Variants in POLL observed in about 807,000 individuals in gnomAD.
POLL encodes DNA polymerase lambda, also known as DNA polymerase beta-2.
In POLL, 44 loss-of-function variants were observed where a neutral mutation model predicts 58.1. The observed-to-expected ratio is 0.76, with a 90% CI of 0.60 to 0.97. POLL has a LOEUF of 0.97. POLL is among the 50% of genes least tolerant of loss of function. The probability of loss-of-function intolerance (pLI) is 0.00; values close to 1 mark genes in which losing one functional copy is unlikely to be tolerated. For synonymous variants in POLL, 290 were observed against 283.2 expected (o/e 1.02, Z -0.24); for missense variants, 632 against 736.8 (o/e 0.86, Z 1.65).
intron 7 of POLL, chr10:101,581,619 T>TG (rs2062992338): frequency 6.6e-6 from 1 of 152,208 alleles, no homozygotes; most frequent in African/African-American, 2.4e-5. Context: ...TAATGCCCAT[T>TG]GAACAAATGA....
At chr10:101,582,701 CTT>C in intron 7 of POLL, 60 bp downstream of exon 7, 1 of 1,572,664 alleles carries the variant, frequency 6.4e-7, no homozygotes, top group Non-Finnish European at 8.7e-7. Flanking sequence ...GGGTTCTTGG[CTT>C]TGACCCAAGA....
At chr10:101,587,572 C>A in intron 1 of POLL, 166 bp from the exon 2 acceptor site, 1 of 1,304,072 alleles carries the variant, frequency 7.7e-7, no homozygotes, top group Non-Finnish European at 1.0e-6. Flanking sequence ...TAGCTTCACA[C>A]TCCCCAGCCT....
Position 101,588,211 on chromosome 10 carries a change from G to A in POLL, c.-436C>T, listed in dbSNP as rs1455490306. 9.7e-6 allele frequency: 15 copies of A among 1,543,168 alleles called. No homozygotes were observed. The highest frequency in any genetic ancestry group is 2.4e-5 in the South Asian group (2 of 83,354). ...CAGGAATAGACCACTTACCAGCAGA[G>A]CCAATGAGAGCGGACGAAGGGGGGA... is the stretch of plus-strand genomic sequence containing the variant. On this transcript the variant is annotated 5_prime_UTR_variant, in exon 1 of 9. Transcript: ENST00000370162.
At position 101,584,605 on chromosome 10, in the gene POLL, G is replaced by A; in HGVS notation, c.888C>T (p.Tyr296=). ...LKSFHKPVTS[Y]QEACSIPGIG... is the part of the protein sequence containing the mutation. ...TCCCACTCTAGCCCCTGGGTACCTG[G>A]TACGAGGTGACAGGCTTATGGAAGC... Residue 296 remains tyrosine (Y), a synonymous_variant, in exon 5 of 9, where the codon TAC becomes TAT. Transcript: ENST00000370162. The A allele has an allele frequency of 6.4e-7, 1 of 1,554,986 alleles. No individual in the cohort carries two copies. The highest frequency in any genetic ancestry group is 2.3e-5 in the East Asian group (1 of 43,838).
intron 4 of POLL, 80 bp from the exon 5 acceptor site, chr10:101,584,999 T>G: frequency 2.6e-6 from 2 of 779,742 alleles, no homozygotes; most frequent in Non-Finnish European, 3.6e-6. Flanking sequence ...GTCATCTTCT[T>G]TGTGCGGGGG....
intron 7 of POLL, chr10:101,581,429 G>T (rs1259014812): frequency 6.6e-6 from 1 of 152,230 alleles, no homozygotes; most frequent in East Asian, 1.9e-4. Flanking sequence ...ACCAAGGCCT[G>T]GTGATGGGCA....
intron 6 of POLL, 36 bp downstream of exon 6, chr10:101,583,472 A>G (rs2063117288): frequency 1.9e-6 from 3 of 1,609,624 alleles, no homozygotes; most frequent in Non-Finnish European, 1.7e-6. Flanking sequence ...TCTGAGACAC[A>G]GCAAAACTGA....
In POLL at chr10:101,580,188, G is replaced by C; in HGVS notation, c.1363+60C>G. 1 of 1,485,362 alleles carries C rather than the reference G, an allele frequency of 6.7e-7. No homozygotes were observed. The allele number at this position is 1,485,362 out of a possible 1,614,324, so 92.0% of individuals were successfully genotyped here. On this transcript the variant is annotated intron_variant, in intron 8 of 8. Coordinates refer to ENST00000370162, the MANE Select transcript of POLL (RefSeq NM_001174084.2). This position sits in a 1 kb window ranked among gnomAD's most constrained non-coding sequence, Gnocchi z 4.1. The stretch of plus-strand genomic sequence containing the variant: ...GAACTTCTGAGGTTCTCCCTCTGAG[G>C]GGGCCCCCAGACCTGTGCTGCCCTC...
In POLL at chr10:101,587,347, C is replaced by A; in HGVS notation, c.14G>T (p.Gly5Val). 1 of 1,614,026 alleles carries A rather than the reference C, an allele frequency of 6.2e-7. No homozygotes were observed. Among genetic ancestry groups the A allele is most frequent in the Non-Finnish European group, 8.5e-7 (1 of 1,179,940 alleles). Residue 5 changes from glycine (G) to valine (V), a missense_variant, in exon 2 of 9, where the codon GGT becomes GTT. Physicochemically the swap from Gly to Val is moderately radical, Grantham distance 109. Transcript: ENST00000370162. ...CCGCTTGGGAAATGCCTTCAAGATACCCCTGGGATCCATTGAAGTATGGCT... is the reference window on the plus strand; with the variant it reads ...CCGCTTGGGAAATGCCTTCAAGATAACCCTGGGATCCATTGAAGTATGGCT... MDPR[G>V]ILKAFPKRQK...
At position 101,579,562 on chromosome 10, in the gene POLL, G is replaced by C. The variant is rs755196340; in HGVS notation, c.1619C>G (p.Thr540Ser). 2 of 1,614,010 alleles carry C rather than the reference G, an allele frequency of 1.2e-6. No individual in the cohort carries two copies. Among genetic ancestry groups the C allele is most frequent in the Non-Finnish European group, 8.5e-7 (1 of 1,180,040 alleles). Residue 540 changes from threonine (T) to serine (S), a missense_variant, in exon 9 of 9, where the codon ACC becomes AGC. Transcript: ENST00000370162. The surrounding 1 kb of genome is among the most constrained non-coding windows in gnomAD (Gnocchi z 4.4). ...HALSTAVVRN[T>S]HGCKVGPGRV... ...GCCAGGCCCCACCTTGCAGCCATGG[G>C]TGTTCCGGACCACAGCAGTGCTGAG...
Position 101,587,867 on chromosome 10 carries a change from A to C in POLL, c.-92T>G. ...GGAAGGAGGAGGACTTTCGGGGGTG[A>C]GTGGGAACGCCCTGCACCTGTCCTG... On this transcript the variant is annotated 5_prime_UTR_variant, in exon 1 of 9. Coordinates refer to ENST00000370162, the MANE Select transcript of POLL (RefSeq NM_001174084.2). 8.4e-7 allele frequency: 1 copy of C among 1,190,590 alleles called. No homozygotes were observed. Among genetic ancestry groups the C allele is most frequent in the Non-Finnish European group, 1.1e-6 (1 of 942,378 alleles). The allele number at this position is 1,190,590 out of a possible 1,614,324, so 73.8% of individuals were successfully genotyped here.
chr10:101,584,772 A>G lies in POLL; in HGVS notation c.721T>C (p.Cys241Arg). ...PAPAVLDKWV[C>R]AQPSSQKATN... ...GCCTTCTGGCTTGAGGGCTGTGCAC[A>G]GACCCACTTATCCAGGACAGCAGGG... The change falls in exon 5 of 9, where the codon TGT (cysteine) becomes CGT (arginine). Residue 241 changes from cysteine to arginine, a missense_variant. Coordinates refer to ENST00000370162, the MANE Select transcript of POLL (RefSeq NM_001174084.2). 6.2e-7 allele frequency: 1 copy of G among 1,612,776 alleles called. No homozygotes were observed. The highest frequency in any genetic ancestry group is 1.1e-5 in the South Asian group (1 of 90,842).
At chr10:101,581,810 CT>C (rs769863613) in intron 7 of POLL, 292 of 146,338 alleles carry the variant, frequency 2.0e-3, no homozygotes, top group African/African-American at 4.4e-3. Context: ...TTAACTCAAT[CT>C]TTTTTTTTTT....
At position 101,579,744 on chromosome 10, in the gene POLL, G is replaced by A; in HGVS notation, c.1437C>T (p.Leu479=). 6.2e-7 allele frequency: 1 copy of A among 1,613,880 alleles called. No individual in the cohort carries two copies. Among genetic ancestry groups the A allele is most frequent in the Non-Finnish European group, 8.5e-7 (1 of 1,180,012 alleles). The change falls in exon 9 of 9, where the codon CTC becomes CTT. Residue 479 remains leucine, a synonymous_variant. Coordinates refer to ENST00000370162, the MANE Select transcript of POLL (RefSeq NM_001174084.2). The surrounding 1 kb of genome is among the most constrained non-coding windows in gnomAD (Gnocchi z 4.4). ...QQQKYLGVCR[L]PGPGRRHRRL... is the part of the protein sequence containing the mutation. ...GCCGGTGCCGCCGCCCTGGCCCTGG[G>A]AGCCGGCACACCCCCAAGTACTTCT...
At position 101,584,802 on chromosome 10, in the gene POLL, G is replaced by C. The variant is rs762755904; in HGVS notation, c.691C>G (p.Pro231Ala). 1 of 1,596,522 alleles carries C rather than the reference G, an allele frequency of 6.3e-7. No homozygotes were observed. Among genetic ancestry groups the C allele is most frequent in the Non-Finnish European group, 8.5e-7 (1 of 1,170,226 alleles). Residue 231 changes from proline to alanine, a missense_variant, in exon 5 of 9, where the codon CCA (proline) becomes GCA (alanine). By Grantham distance (27) the Pro-to-Ala change is conservative. Transcript: ENST00000370162. ...TSLEGDCEPS[P>A]APAVLDKWVC... ...CACTTATCCAGGACAGCAGGGGCTG[G>C]GCTAGGCTCACAATCTCCCTCAAGG...
Position 101,588,127 on chromosome 10 carries a change from C to T in POLL, c.-352G>A, listed in dbSNP as rs775137635. 3 of 1,515,576 alleles carry T rather than the reference C, an allele frequency of 2.0e-6. No individual in the cohort carries two copies. The highest frequency in any genetic ancestry group is 2.6e-6 in the Non-Finnish European group (3 of 1,133,966). 93.9% of individuals were successfully genotyped at this position (1,515,576 alleles called of 1,614,324 possible). On this transcript the variant is annotated 5_prime_UTR_variant, in exon 1 of 9. Coordinates refer to ENST00000370162, the MANE Select transcript of POLL (RefSeq NM_001174084.2). Reference sequence around the variant, plus strand: ...CCCGGCCCCAAGAGTCTCTCCAACCCCCAGAGTCGGTCCCCGGGTGGGGTC... The same window carrying T: ...CCCGGCCCCAAGAGTCTCTCCAACCTCCAGAGTCGGTCCCCGGGTGGGGTC...
rs777396875 is a variant in POLL, at chr10:101,586,041, G to C, written c.231C>G (p.Gly77=). Residue 77 remains glycine (G), a synonymous_variant, in exon 3 of 9, where the codon GGC becomes GGG. Coordinates refer to ENST00000370162, the MANE Select transcript of POLL (RefSeq NM_001174084.2). ...QHGGQLCPAQ[G]PGVTHIVVDE... ...CCACCACAATGTGAGTGACACCTGG[G>C]CCCTGGGCAGGGCATAGCTGGCCGC... The C allele has an allele frequency of 6.2e-7, 1 of 1,614,096 alleles. No homozygotes were observed. The highest frequency in any genetic ancestry group is 2.2e-5 in the East Asian group (1 of 44,884).
intron 6 of POLL, 80 bp from the exon 7 acceptor site, chr10:101,582,971 T>A: frequency 6.4e-6 from 10 of 1,566,360 alleles, no homozygotes; most frequent in Non-Finnish European, 7.9e-6. Context: ...ACACAAGGCT[T>A]CCATCGCCCC....
Position 101,579,928 on chromosome 10 carries a change from G to A in POLL, c.1364-111C>T. 8.2e-7 allele frequency: 1 copy of A among 1,215,706 alleles called. No individual in the cohort carries two copies. The highest frequency in any genetic ancestry group is 2.5e-5 in the East Asian group (1 of 40,344). The allele number at this position is 1,215,706 out of a possible 1,614,324, so 75.3% of individuals were successfully genotyped here. A position where few individuals can be genotyped will look rare whatever the true frequency, so the allele number is the denominator to read the frequency against. ...TGGGGCTTGCCCAGGTATTAGCTGG[G>A]TGACACTACCCTCTCTGGGCCCTTC... is the stretch of plus-strand genomic sequence containing the variant. On this transcript the variant is annotated intron_variant, in intron 8 of 8. Coordinates refer to ENST00000370162, the MANE Select transcript of POLL (RefSeq NM_001174084.2). This position sits in a 1 kb window ranked among gnomAD's most constrained non-coding sequence, Gnocchi z 4.4.
Sources: allele counts gnomAD v4.1 joint callset, GRCh38; gene constraint gnomAD v4.1.1; non-coding constraint Gnocchi (gnomAD v3.1); transcripts MANE v1.5; gene names NCBI Gene and HGNC (gene_info 2026-07-23, HGNC 2026-07-21).